LRGUK: variants seen among roughly 807,000 people sequenced by gnomAD.
LRGUK encodes leucine rich repeats and guanylate kinase domain containing, also known as leucine-rich repeat and guanylate kinase domain-containing protein.
In LRGUK, 65 loss-of-function variants were observed where a neutral mutation model predicts 76.0. That is an observed-to-expected ratio of 0.85 (90% CI 0.70 to 1.05). The LOEUF (loss-of-function observed/expected upper bound fraction) is 1.05, where lower values mean the gene tolerates loss of function less well. LRGUK is among the 50% of genes least tolerant of loss of function. The pLI, the probability that LRGUK is intolerant of heterozygous loss-of-function variation, is 0.00. For missense variants in LRGUK, 758 were observed against 732.8 expected, an observed-to-expected ratio of 1.03 and a Z score of -0.40; for synonymous variants, 268 against 265.6, an observed-to-expected ratio of 1.01 and a Z score of -0.09.
At chr7:134,213,598 G>A (rs1241211627), downstream of LRGUK, among the ~76,000 whole-genome samples, 1 of 152,136 alleles carries the variant, frequency 6.6e-6, no homozygotes, top group Admixed American at 6.6e-5. Context: ...GCTCCTGAAG[G>A]CATTTGGGGT....
intron 11 of LRGUK, among the ~76,000 whole-genome samples, chr7:134,184,559 G>C (rs945840667): frequency 6.6e-6 from 1 of 151,926 alleles, no homozygotes; most frequent in Non-Finnish European, 1.5e-5. Flanking sequence ...GTGAGCCACC[G>C]CGCCTGACCG....
intron 16 of LRGUK, among the ~76,000 whole-genome samples, chr7:134,242,937 A>C (rs1180444828): frequency 6.6e-6 from 1 of 152,214 alleles, no homozygotes; most frequent in African/African-American, 2.4e-5. Context: ...ATATAAACAG[A>C]ACCAAAGACA....
At chr7:134,255,083 G>A (rs1373197324) in intron 18 of LRGUK, among the ~76,000 whole-genome samples, 1 of 152,150 alleles carries the variant, frequency 6.6e-6, no homozygotes, top group Non-Finnish European at 1.5e-5. Flanking sequence ...AGTGGATAAA[G>A]ATAAGTCAAT....
At position 134,127,633 on chromosome 7, in the gene LRGUK, A is replaced by G. The variant is rs778547366; in HGVS notation, c.266A>G (p.Glu89Gly). 6.8e-6 allele frequency: 11 copies of G among 1,613,874 alleles called. No homozygotes were observed. The Admixed American group carries it at 1.8e-4, about 27-fold the overall frequency. ...GGCGAGGGCGAGGCGGGATCCGAGG[A>G]GTCCTCAGAGTCCGAAATGCTGAAT... The change falls in exon 1 of 16, where the codon GAG becomes GGG. Residue 89 changes from glutamate (E) to glycine (G), a missense_variant. Physicochemically the swap from Glu to Gly is moderately conservative, Grantham distance 98 (BLOSUM62 -2). Transcript: ENST00000645682.
chr7:134,231,786 C>CTCTT (rs199912052), intron 16 of LRGUK, among the ~76,000 whole-genome samples: 3,858 of 140,236 alleles, frequency 0.028, 194 homozygotes, highest in East Asian at 0.085. Flanking sequence ...GTCCGTCCCT[C>CTCTT]CCTTCCTCCC....
downstream of LRGUK, among the ~76,000 whole-genome samples, chr7:134,210,597 C>T (rs80287447): frequency 0.021 from 3,187 of 152,258 alleles, 107 homozygotes; most frequent in African/African-American, 0.074. Context: ...AAGGCCCCTG[C>T]GGAGTCGCTA....
the LRGUK span, among the ~76,000 whole-genome samples, chr7:134,271,387 A>C: frequency 6.6e-6 from 1 of 151,832 alleles, no homozygotes; most frequent in Non-Finnish European, 1.5e-5. Flanking sequence ...CTATTGTAAT[A>C]AACATAATCT....
chr7:134,229,555 GGATTGAT>G (rs1357413068), intron 16 of LRGUK, among the ~76,000 whole-genome samples: 1 of 152,106 alleles, frequency 6.6e-6, no homozygotes, highest in Non-Finnish European at 1.5e-5. Context: ...CCATGTTTAT[GGATTGAT>G]GGCTCCATAT....
intron 7 of LRGUK, among the ~76,000 whole-genome samples, chr7:134,174,101 C>T (rs1333616749): frequency 7.6e-6 from 1 of 132,140 alleles, no homozygotes; most frequent in Non-Finnish European, 1.5e-5. Flanking sequence ...GAGCGAGACT[C>T]CATCGCAAAA....
chr7:134,235,452 C>CT (rs1307931876), intron 16 of LRGUK, among the ~76,000 whole-genome samples: 2 of 152,220 alleles, frequency 1.3e-5, no homozygotes, highest in Admixed American at 1.3e-4. Flanking sequence ...TCTATGCTGT[C>CT]TGCCCTGAAA....
chr7:134,187,415 C>T (rs1440628745), intron 11 of LRGUK, among the ~76,000 whole-genome samples: 1 of 152,104 alleles, frequency 6.6e-6, no homozygotes, highest in Non-Finnish European at 1.5e-5. Context: ...TTAATTTTTT[C>T]CTGGCATTTT....
At chr7:134,153,222 T>A (rs976815882) in intron 5 of LRGUK, among the ~76,000 whole-genome samples, 1 of 152,058 alleles carries the variant, frequency 6.6e-6, no homozygotes, top group Non-Finnish European at 1.5e-5. Context: ...ATTAAAAAAA[T>A]CAGTTGAGCT....
At chr7:134,193,228 T>C (rs1048193720) in intron 12 of LRGUK, among the ~76,000 whole-genome samples, 1 of 152,226 alleles carries the variant, frequency 6.6e-6, no homozygotes, top group South Asian at 2.1e-4. Context: ...CAGTTCAGTT[T>C]AATTGATTAA....
At chr7:134,197,144 T>A in intron 13 of LRGUK, 39 bp downstream of exon 13, 1 of 1,241,488 alleles carries the variant, frequency 8.1e-7, no homozygotes, top group Non-Finnish European at 1.2e-6. Flanking sequence ...TGTGTGTAGT[T>A]TGTGTGAGTG....
At chr7:134,264,014 C>T (rs775287862) in exon 20 of LRGUK, 1 of 1,573,460 alleles carries the variant, frequency 6.4e-7, no homozygotes, top group Non-Finnish European at 8.6e-7. Context: ...GGAAAACCTG[C>T]TCTGCTGATG....
intron 1 of LRGUK, among the ~76,000 whole-genome samples, chr7:134,129,224 C>T (rs1043303135): frequency 7.4e-6 from 1 of 134,300 alleles, no homozygotes; most frequent in African/African-American, 2.8e-5. Context: ...CTCCCCCTCT[C>T]TCCCTTCCTT....
At chr7:134,268,870 C>T (rs1039908173), downstream of LRGUK, among the ~76,000 whole-genome samples, 19 of 151,542 alleles carry the variant, frequency 1.3e-4, no homozygotes, top group Non-Finnish European at 2.4e-4. Context: ...GCTGGGACTA[C>T]AGGCGCCTGC....
the LRGUK span, among the ~76,000 whole-genome samples, chr7:134,275,502 C>A: frequency 6.6e-6 from 1 of 151,984 alleles, no homozygotes; most frequent in Non-Finnish European, 1.5e-5. Context: ...TTTGCTATTC[C>A]CAAGATATAT....
intron 1 of LRGUK, among the ~76,000 whole-genome samples, chr7:134,133,235 C>T (rs1480521995): frequency 6.6e-6 from 1 of 152,168 alleles, no homozygotes; most frequent in African/African-American, 2.4e-5. Context: ...GCCATGCTTG[C>T]TTTTGCTTTT....
Sources: allele counts gnomAD v4.1 joint callset (sites outside exome capture counted in the v4.1 genomes callset), GRCh38; gene constraint gnomAD v4.1.1; transcripts MANE v1.5; gene names NCBI Gene and HGNC (gene_info 2026-07-23, HGNC 2026-07-21).